The following RBMS3 variants were observed in gnomAD, a reference collection of about 807,000 sequenced individuals.
RBMS3 encodes the protein RNA-binding motif, single-stranded-interacting protein 3.
A neutral mutation model predicts 66.8 loss-of-function variants in RBMS3; 27 were observed. The ratio of observed to expected loss-of-function variants is 0.40; its 90% CI spans 0.30 to 0.56. The LOEUF (loss-of-function observed/expected upper bound fraction) is 0.56, where lower values mean the gene tolerates loss of function less well. Ranked by LOEUF, RBMS3 falls within the 20% of genes least tolerant of loss-of-function variation. RBMS3 has a pLI of 0.40. For synonymous variants in RBMS3, 188 were observed against 183.0 expected, an observed-to-expected ratio of 1.03 and a Z score of -0.22; for missense variants, 513 against 549.5, an observed-to-expected ratio of 0.93 and a Z score of 0.66.
chr3:29,389,509 G>C (rs2039181569), intron 1 of RBMS3, among the ~76,000 whole-genome samples: 1 of 152,098 alleles, frequency 6.6e-6, no homozygotes, highest in Non-Finnish European at 1.5e-5. Context: ...TGTGAACTGG[G>C]CATCCTTAAA....
chr3:29,897,686 C>A (rs1159574395), intron 9 of RBMS3, among the ~76,000 whole-genome samples: 1 of 151,622 alleles, frequency 6.6e-6, no homozygotes, highest in East Asian at 1.9e-4. Context: ...CTATGCTTTT[C>A]ATTCTTCCTG....
chr3:29,554,752 A>G (rs1368324031), intron 3 of RBMS3, among the ~76,000 whole-genome samples: 1 of 152,182 alleles, frequency 6.6e-6, no homozygotes, highest in East Asian at 1.9e-4. Flanking sequence ...AGATATAAGA[A>G]ACTATGAGTC....
intron 1 of RBMS3, among the ~76,000 whole-genome samples, chr3:29,382,498 A>C (rs899110276): frequency 2.6e-5 from 4 of 152,144 alleles, no homozygotes; most frequent in Non-Finnish European, 1.5e-5. Context: ...TCACTTAAGA[A>C]ATGTGCCCAT....
At chr3:29,323,534 G>A (rs1313669537) in intron 1 of RBMS3, among the ~76,000 whole-genome samples, 3 of 151,922 alleles carry the variant, frequency 2.0e-5, no homozygotes, top group African/African-American at 7.3e-5. Context: ...TAAAAATGCA[G>A]GTTTAACTCC....
At chr3:29,501,430 G>A (rs1174065479) in intron 3 of RBMS3, among the ~76,000 whole-genome samples, 1 of 152,106 alleles carries the variant, frequency 6.6e-6, no homozygotes, top group Non-Finnish European at 1.5e-5. Flanking sequence ...CAGATAAGAT[G>A]GTTCCAGTTT....
At position 29,526,506 on chromosome 3, in the gene RBMS3, G is replaced by A. The variant is rs570060561; in HGVS notation, c.307+38007G>A. 3.8e-5 allele frequency among the ~76,000 whole-genome samples: 4 copies of A among 104,422 alleles called. No homozygotes were observed. The Admixed American group carries it at 6.0e-4, about 16-fold the overall frequency. 68.5% of individuals were successfully genotyped at this position (104,422 alleles called of 152,430 possible). Reference sequence around the variant, plus strand: ...ACTGCACTCCAGCCTGGACGACAGAGCGAGACTCCATCTCAAAAAAAAAAA... The same window carrying A: ...ACTGCACTCCAGCCTGGACGACAGAACGAGACTCCATCTCAAAAAAAAAAA... On this transcript the variant is annotated intron_variant, in intron 3 of 14. Transcript: ENST00000383767.
At chr3:29,701,170 G>A (rs2149288415) in intron 4 of RBMS3, among the ~76,000 whole-genome samples, 1 of 152,206 alleles carries the variant, frequency 6.6e-6, no homozygotes, top group Middle Eastern at 3.4e-3. Context: ...CCAGCTACTT[G>A]GAAGGCTGAG....
chr3:29,760,266 CACAT>C (rs61114345), intron 5 of RBMS3, among the ~76,000 whole-genome samples: 6,459 of 150,830 alleles, frequency 0.043, 230 homozygotes, highest in African/African-American at 0.098. Context: ...CACACACACA[CACAT>C]ACACACACAC....
At chr3:29,309,069 C>T (rs1201324476) in intron 1 of RBMS3, among the ~76,000 whole-genome samples, 1 of 151,702 alleles carries the variant, frequency 6.6e-6, no homozygotes, top group African/African-American at 2.4e-5. Flanking sequence ...TAGGACAGTT[C>T]TGTTGAAAGT....
At chr3:29,944,867 T>C (rs1355865841) in intron 12 of RBMS3, among the ~76,000 whole-genome samples, 3 of 151,762 alleles carry the variant, frequency 2.0e-5, no homozygotes, top group South Asian at 2.1e-4. Flanking sequence ...TTTGAAAATA[T>C]GTTAGTGTCT....
Position 29,350,564 on chromosome 3 carries a change from A to G in RBMS3, c.75+68808A>G, listed in dbSNP as rs564365744. ...GTATGTATAAGGCACTATAGTAGAC[A>G]GTACAGGGGCCACAGAGATGGAGAG... On this transcript the variant is annotated intron_variant, in intron 1 of 14. Coordinates refer to ENST00000383767, the MANE Select transcript of RBMS3 (RefSeq NM_001003793.3). Among the ~76,000 whole-genome samples, 5 of 152,328 alleles carry G rather than the reference A, an allele frequency of 3.3e-5. No homozygotes were observed. The East Asian group carries it at 7.7e-4, about 24-fold the overall frequency.
chr3:29,873,149 G>T (rs1196785800), intron 7 of RBMS3, among the ~76,000 whole-genome samples: 1 of 152,016 alleles, frequency 6.6e-6, no homozygotes, highest in African/African-American at 2.4e-5. Flanking sequence ...TTAGTAGTTT[G>T]ATAGGAATAG....
chr3:29,471,097 A>G (rs2042710381), intron 2 of RBMS3, among the ~76,000 whole-genome samples: 1 of 152,206 alleles, frequency 6.6e-6, no homozygotes, highest in Non-Finnish European at 1.5e-5. Context: ...AATTTATGTA[A>G]TAAGATTACC....
intron 12 of RBMS3, among the ~76,000 whole-genome samples, chr3:29,944,585 G>A (rs1011468366): frequency 1.3e-5 from 2 of 151,662 alleles, no homozygotes; most frequent in South Asian, 4.1e-4. Flanking sequence ...CCTGAAAAGT[G>A]GGAAAATAAT....
At chr3:29,545,011 A>C (rs1310345310) in intron 3 of RBMS3, among the ~76,000 whole-genome samples, 29 of 152,134 alleles carry the variant, frequency 1.9e-4, no homozygotes, top group Non-Finnish European at 3.5e-4. Context: ...TCCTAAGGGA[A>C]TATTTGGACA....
chr3:29,869,925 G>A (rs373254297), intron 7 of RBMS3, among the ~76,000 whole-genome samples: 2 of 152,236 alleles, frequency 1.3e-5, no homozygotes, highest in South Asian at 4.1e-4. Flanking sequence ...AAGAAGAAAG[G>A]AAGCTGGAAT....
At chr3:29,574,862 C>A (rs2149073145) in intron 3 of RBMS3, among the ~76,000 whole-genome samples, 1 of 145,942 alleles carries the variant, frequency 6.9e-6, no homozygotes, top group African/African-American at 2.6e-5. Flanking sequence ...CACACACACA[C>A]AAGAAAATTA....
At chr3:29,482,953 A>C (rs1167532649) in intron 2 of RBMS3, among the ~76,000 whole-genome samples, 2 of 150,630 alleles carry the variant, frequency 1.3e-5, no homozygotes, top group East Asian at 3.9e-4. Flanking sequence ...TGATCTACCC[A>C]CCTCGGTCTC....
intron 3 of RBMS3, among the ~76,000 whole-genome samples, chr3:29,562,591 T>C (rs1424776086): frequency 2.6e-5 from 4 of 152,152 alleles, no homozygotes; most frequent in African/African-American, 9.7e-5. Flanking sequence ...GAATAACTTA[T>C]TTTCCCTTCG....
Sources: gnomAD v4.1 joint callset for allele counts (sites outside exome capture counted in the v4.1 genomes callset) on GRCh38, gnomAD v4.1.1 for gene constraint, MANE v1.5 for transcripts, NCBI Gene and HGNC (gene_info 2026-07-23, HGNC 2026-07-21) for gene names.